SUPT3H: variants seen among roughly 807,000 people sequenced by gnomAD.
SUPT3H encodes the protein transcription initiation protein SPT3 homolog.
Under a neutral mutation model 44.3 loss-of-function variants are expected in SUPT3H, and 44 were observed. That is an observed-to-expected ratio of 0.99 (90% confidence interval 0.78 to 1.28). The LOEUF is 1.28. Among genes scored for constraint, SUPT3H ranks in the 50% most tolerant of loss-of-function variants. The pLI is 0.00. For missense variants in SUPT3H, 380 were observed against 387.1 expected, an observed-to-expected ratio of 0.98 and a Z score of 0.15; for synonymous variants, 124 against 125.6, an observed-to-expected ratio of 0.99 and a Z score of 0.09.
intron 2 of SUPT3H, among the ~76,000 whole-genome samples, chr6:45,172,382 T>C (rs1725913806): frequency 6.6e-6 from 1 of 151,876 alleles, no homozygotes; most frequent in Non-Finnish European, 1.5e-5. Context: ...TATTTTATCT[T>C]CATAGTCTAT....
At chr6:45,296,551 CAACACGGTG>C (rs1458017467) in intron 2 of SUPT3H, among the ~76,000 whole-genome samples, 1 of 151,548 alleles carries the variant, frequency 6.6e-6, no homozygotes, top group Non-Finnish European at 1.5e-5. Flanking sequence ...CTAGCCTGGC[CAACACGGTG>C]AAACCCCGTC....
At chr6:44,909,142 C>CGTGTGTGTGTGTGTGTGTGTGCGT (rs1554162592) in intron 10 of SUPT3H, among the ~76,000 whole-genome samples, 23 of 146,958 alleles carry the variant, frequency 1.6e-4, no homozygotes, top group Non-Finnish European at 3.0e-4. Flanking sequence ...TGTGTGTGTG[C>CGTGTGTGTGTGTGTGTGTGTGCGT]GTGTGTGTGT....
At chr6:44,888,848 A>T (rs1323421310) in intron 10 of SUPT3H, among the ~76,000 whole-genome samples, 1 of 150,456 alleles carries the variant, frequency 6.6e-6, no homozygotes, top group Non-Finnish European at 1.5e-5. Flanking sequence ...AGATGACATG[A>T]TTGTATATCT....
chr6:45,370,225 G>A (rs1015817043), intron 1 of SUPT3H, among the ~76,000 whole-genome samples: 2 of 152,200 alleles, frequency 1.3e-5, no homozygotes, highest in Non-Finnish European at 2.9e-5. Context: ...CGGAGATGAT[G>A]AGAAGTGGTC....
chr6:44,844,687 G>A (rs1771575211), intron 10 of SUPT3H, among the ~76,000 whole-genome samples: 1 of 152,128 alleles, frequency 6.6e-6, no homozygotes, highest in African/African-American at 2.4e-5. Context: ...TTACAAATGG[G>A]AAAATTATAG....
chr6:45,181,772 C>T (rs1443786211), intron 2 of SUPT3H, among the ~76,000 whole-genome samples: 5 of 151,042 alleles, frequency 3.3e-5, no homozygotes, highest in African/African-American at 7.3e-5. Flanking sequence ...TGCTAGATGA[C>T]GAGTTAGTGG....
chr6:44,858,660 T>C (rs1774127291), intron 10 of SUPT3H, among the ~76,000 whole-genome samples: 1 of 152,202 alleles, frequency 6.6e-6, no homozygotes, highest in South Asian at 2.1e-4. Context: ...CTGTGCTTTA[T>C]CTCTAAATCT....
At chr6:45,143,162 A>C (rs1805519862) in intron 2 of SUPT3H, among the ~76,000 whole-genome samples, 1 of 152,160 alleles carries the variant, frequency 6.6e-6, no homozygotes, top group Non-Finnish European at 1.5e-5. Context: ...CAAGACAGCA[A>C]ATCGACATAG....
At chr6:44,870,887 G>T (rs552036561) in intron 10 of SUPT3H, among the ~76,000 whole-genome samples, 8 of 151,774 alleles carry the variant, frequency 5.3e-5, no homozygotes, top group African/African-American at 1.2e-4. Flanking sequence ...AAGGGGTGAC[G>T]GATGCACCTG....
chr6:44,928,966 C>A (rs1263074127), intron 10 of SUPT3H, among the ~76,000 whole-genome samples: 2 of 150,554 alleles, frequency 1.3e-5, no homozygotes, highest in African/African-American at 2.4e-5. Context: ...CTGTTGTTAA[C>A]CACTGAGTGG....
chr6:44,952,712 A>G (rs539481631), intron 9 of SUPT3H, among the ~76,000 whole-genome samples: 6 of 152,328 alleles, frequency 3.9e-5, no homozygotes, highest in African/African-American at 1.4e-4. Flanking sequence ...TACAGAGGAG[A>G]TTCTGTATAC....
At chr6:45,328,919 T>C in intron 2 of SUPT3H, 2 of 948,110 alleles carry the variant, frequency 2.1e-6, no homozygotes, top group South Asian at 1.4e-5. Flanking sequence ...GCATTAAGAA[T>C]TGAAAAATGA....
At chr6:45,367,930 T>C (rs1173089139) in intron 1 of SUPT3H, among the ~76,000 whole-genome samples, 1 of 152,202 alleles carries the variant, frequency 6.6e-6, no homozygotes, top group Non-Finnish European at 1.5e-5. Flanking sequence ...TTATTTCCCA[T>C]ACCCACATTG....
chr6:45,062,660 G>C (rs189556118), intron 3 of SUPT3H, among the ~76,000 whole-genome samples: 1 of 152,300 alleles, frequency 6.6e-6, no homozygotes, highest in East Asian at 1.9e-4. Context: ...AAGCGCGAGG[G>C]GTCAGGAAGT....
At chr6:45,165,657 A>G (rs1424513262) in intron 2 of SUPT3H, among the ~76,000 whole-genome samples, 1 of 152,218 alleles carries the variant, frequency 6.6e-6, no homozygotes, top group Non-Finnish European at 1.5e-5. Flanking sequence ...AAAACATACA[A>G]AAAATATCAA....
At chr6:45,086,150 G>C (rs1466206996) in intron 3 of SUPT3H, among the ~76,000 whole-genome samples, 1 of 151,858 alleles carries the variant, frequency 6.6e-6, no homozygotes, top group African/African-American at 2.4e-5. Context: ...CATCCTATTA[G>C]TAATATCATT....
intron 2 of SUPT3H, among the ~76,000 whole-genome samples, chr6:45,183,261 T>C (rs1403147385): frequency 2.0e-5 from 3 of 152,126 alleles, no homozygotes; most frequent in Non-Finnish European, 4.4e-5. Context: ...GTATCTAGAA[T>C]AGGCAAACTG....
intron 6 of SUPT3H, among the ~76,000 whole-genome samples, chr6:44,997,955 T>G (rs1781492755): frequency 6.6e-6 from 1 of 151,896 alleles, no homozygotes. Flanking sequence ...TTTCTAATAT[T>G]GAAGCATACT....
chr6:45,193,140 A>G (rs986104560), intron 2 of SUPT3H, among the ~76,000 whole-genome samples: 2 of 152,156 alleles, frequency 1.3e-5, no homozygotes, highest in Admixed American at 1.3e-4. Context: ...AATAAATATT[A>G]GAGTGTATGT....
Sources: allele counts gnomAD v4.1 joint callset (sites outside exome capture counted in the v4.1 genomes callset), GRCh38; gene constraint gnomAD v4.1.1; transcripts MANE v1.5; gene names NCBI Gene and HGNC (gene_info 2026-07-23, HGNC 2026-07-21).